Variants in PIH1D2 observed in about 807,000 individuals in gnomAD.
The protein encoded by PIH1D2 is PIH1 domain-containing protein 2.
In PIH1D2, 25 loss-of-function variants were observed where a neutral mutation model predicts 31.2. That is an observed-to-expected ratio of 0.80 (90% CI 0.58 to 1.12). The LOEUF (loss-of-function observed/expected upper bound fraction) is 1.12. Among genes scored for constraint, PIH1D2 ranks in the 50% most tolerant of loss-of-function variants. PIH1D2 has a pLI of 0.00. For synonymous variants in PIH1D2, 116 were observed against 119.9 expected, an observed-to-expected ratio of 0.97 and a Z score of 0.21; for missense variants, 310 against 356.6, an observed-to-expected ratio of 0.87 and a Z score of 1.05.
the PIH1D2 span, among the ~76,000 whole-genome samples, chr11:112,054,505 C>T: frequency 1.4e-4 from 22 of 152,052 alleles, no homozygotes; most frequent in East Asian, 1.9e-4. Context: ...TAGTTTTCTA[C>T]GTATATGTGA....
At chr11:112,064,313 C>T (rs895422752), downstream of PIH1D2, 48 of 1,082,302 alleles carry the variant, frequency 4.4e-5, no homozygotes, top group Admixed American at 1.4e-4. Context: ...CAGTCTCTTA[C>T]CAGAACTGAA....
intron 2 of PIH1D2, 93 bp from the exon 3 acceptor site, chr11:112,071,851 G>A (rs1370164769): frequency 5.4e-5 from 75 of 1,399,550 alleles, no homozygotes; most frequent in South Asian, 6.4e-5. Context: ...CGAGCACTTT[G>A]GGGGTCCAAG....
the PIH1D2 span, among the ~76,000 whole-genome samples, chr11:112,055,887 G>C: frequency 1.2e-4 from 1 of 8,156 alleles, no homozygotes; most frequent in African/African-American, 2.7e-4. Flanking sequence ...TTTTTTTTTT[G>C]AGGTGGAGTC....
At chr11:112,071,883 A>G in intron 2 of PIH1D2, 125 bp from the exon 3 acceptor site, 1 of 937,336 alleles carries the variant, frequency 1.1e-6, no homozygotes, top group Non-Finnish European at 1.6e-6. Context: ...ACCTGAGGTC[A>G]GGAATTTGAG....
At chr11:112,072,452 G>A (rs1555184836) in intron 2 of PIH1D2, among the ~76,000 whole-genome samples, 1 of 149,778 alleles carries the variant, frequency 6.7e-6, no homozygotes, top group East Asian at 2.0e-4. Context: ...GGAGGCTGAG[G>A]TGGGAGGATC....
chr11:112,056,118 G>A, the PIH1D2 span, among the ~76,000 whole-genome samples: 2 of 151,520 alleles, frequency 1.3e-5, no homozygotes, highest in African/African-American at 4.9e-5. Context: ...TGCCTGCCTC[G>A]GCCTCCCAAA....
At chr11:112,070,748 CAT>C in intron 4 of PIH1D2, 47 bp from the exon 5 acceptor site, 1 of 1,566,204 alleles carries the variant, frequency 6.4e-7, no homozygotes. Context: ...AAATCTACAA[CAT>C]AAAATACTAT....
the PIH1D2 span, among the ~76,000 whole-genome samples, chr11:112,056,996 G>A: frequency 2.7e-3 from 418 of 152,242 alleles, 2 homozygotes; most frequent in African/African-American, 9.5e-3. Flanking sequence ...CTCACTTCCT[G>A]TCTCTGTGTC....
intron 5 of PIH1D2, among the ~76,000 whole-genome samples, chr11:112,068,634 A>G (rs1865009087): frequency 6.6e-6 from 1 of 152,056 alleles, no homozygotes; most frequent in Non-Finnish European, 1.5e-5. Flanking sequence ...AAATACAAAA[A>G]TTAGCCAGGC....
chr11:112,069,252 C>G lies in PIH1D2; in HGVS notation c.813+1184G>C, dbSNP rs587775212. Among the ~76,000 whole-genome samples, 15 of 152,098 alleles carry G rather than the reference C, an allele frequency of 9.9e-5. 1 individual carries two copies. In the South Asian group the frequency reaches 3.1e-3, roughly 32 times the overall value. On this transcript the variant is annotated intron_variant, in intron 5 of 5. Coordinates refer to ENST00000280350, the MANE Select transcript of PIH1D2 (RefSeq NM_138789.4). ...CCCTGAGCTCAGGCAATCCACCCCC[C>G]TTCGGCCTCCCAAAATCCTAGGATT...
Position 112,073,118 on chromosome 11 carries a change from T to A in PIH1D2, c.57A>T (p.Leu19=). The change falls in exon 2 of 6, where the codon CTA becomes CTT. Residue 19 remains leucine, a synonymous_variant. Coordinates refer to ENST00000280350, the MANE Select transcript of PIH1D2 (RefSeq NM_138789.4). The stretch of plus-strand genomic sequence containing the variant: ...CAGGGTCACTCTGAGCTAGATCATC[T>A]AGGAGGTTCCAAAACTGAGTAACTT... ...LTQVTQFWNL[L]DDLAQSDPEG... is the part of the protein sequence containing the mutation. 1 of 1,614,032 alleles carries A rather than the reference T, an allele frequency of 6.2e-7. No individual in the cohort carries two copies. Among genetic ancestry groups the A allele is most frequent in the Non-Finnish European group, 8.5e-7 (1 of 1,179,952 alleles).
downstream of PIH1D2, chr11:112,059,961 A>G: frequency 6.2e-7 from 1 of 1,613,796 alleles, no homozygotes; most frequent in Non-Finnish European, 8.5e-7. Flanking sequence ...CATCACACCT[A>G]TTGTGTTTAA....
the PIH1D2 span, among the ~76,000 whole-genome samples, chr11:112,055,235 ATTTTTT>A: frequency 2.7e-5 from 2 of 75,454 alleles, no homozygotes; most frequent in Non-Finnish European, 4.9e-5. Flanking sequence ...GTCAAGGCCT[ATTTTTT>A]TTTTTTTTTT....
downstream of PIH1D2, chr11:112,061,572 G>GT (rs587621837): frequency 2.4e-4 from 47 of 195,144 alleles, no homozygotes; most frequent in South Asian, 2.6e-3. Context: ...GAGTATCAGT[G>GT]TTTTTTTTGT....
chr11:112,068,613 G>A (rs980703963), intron 5 of PIH1D2, among the ~76,000 whole-genome samples: 9 of 152,038 alleles, frequency 5.9e-5, no homozygotes, highest in South Asian at 4.2e-4. Flanking sequence ...GCAAAACCCC[G>A]TCTCTACTAA....
intron 2 of PIH1D2, chr11:112,072,721 G>A (rs1488420238): frequency 1.4e-5 from 3 of 220,948 alleles, no homozygotes; most frequent in South Asian, 1.2e-4. Context: ...AAAATTAGCC[G>A]GGCATGGTAG....
chr11:112,065,522 G>A (rs1864888872), downstream of PIH1D2, among the ~76,000 whole-genome samples: 1 of 152,198 alleles, frequency 6.6e-6, no homozygotes, highest in South Asian at 2.1e-4. Flanking sequence ...TTTTTGAGGG[G>A]TGAGAATAGG....
At chr11:112,066,303 G>C (rs1864924805), downstream of PIH1D2, among the ~76,000 whole-genome samples, 1 of 152,196 alleles carries the variant, frequency 6.6e-6, no homozygotes, top group South Asian at 2.1e-4. Context: ...TAGGGGAAAA[G>C]CACTTGTCCC....
At chr11:112,072,319 AG>A (rs111491176) in intron 2 of PIH1D2, among the ~76,000 whole-genome samples, 2,319 of 151,800 alleles carry the variant, frequency 0.015, 62 homozygotes, top group African/African-American at 0.053. Flanking sequence ...CTGAGGTAGG[AG>A]GGTTGCTTGA....
Sources: gnomAD v4.1 joint callset for allele counts (sites outside exome capture counted in the v4.1 genomes callset) on GRCh38, gnomAD v4.1.1 for gene constraint, MANE v1.5 for transcripts, NCBI Gene and HGNC (gene_info 2026-07-23, HGNC 2026-07-21) for gene names.